SSBP2: variants seen among roughly 807,000 people sequenced by gnomAD.
The protein encoded by SSBP2 is single-stranded DNA-binding protein 2.
A neutral mutation model predicts 61.8 loss-of-function variants in SSBP2; 17 were observed. The ratio of observed to expected loss-of-function variants is 0.28; its 90% CI spans 0.19 to 0.41. The LOEUF (loss-of-function observed/expected upper bound fraction) is 0.41, where lower values mean the gene tolerates loss of function less well. SSBP2 is among the 10% of genes least tolerant of loss of function. The pLI is 1.00. For synonymous variants in SSBP2, 139 were observed against 141.3 expected, an observed-to-expected ratio of 0.98 and a Z score of 0.12; for missense variants, 310 against 458.7, an observed-to-expected ratio of 0.68 and a Z score of 2.96.
At chr5:81,680,559 A>G (rs948275085) in intron 1 of SSBP2, among the ~76,000 whole-genome samples, 1 of 152,018 alleles carries the variant, frequency 6.6e-6, no homozygotes, top group African/African-American at 2.4e-5. Flanking sequence ...TTTAAAAGTA[A>G]ATGGATGGAG....
rs144118426 is a variant in SSBP2 at position 81,680,344 on chromosome 5, A to G, written c.63-30005T>C. On this transcript the variant is annotated intron_variant, in intron 1 of 16. Coordinates refer to ENST00000320672, the MANE Select transcript of SSBP2 (RefSeq NM_012446.5). ...TGTTATAATATATAATTTATTATATATAACTTATAATATAATCTATATAAT... is the reference window on the plus strand; with the variant it reads ...TGTTATAATATATAATTTATTATATGTAACTTATAATATAATCTATATAAT... Among the ~76,000 whole-genome samples the G allele has an allele frequency of 4.1e-4, 61 of 148,072 alleles. No homozygotes were observed. In the East Asian group the frequency reaches 9.7e-3, roughly 24 times the overall value.
At position 81,568,711 on chromosome 5, in the gene SSBP2, A is replaced by G. The variant is rs80342195; in HGVS notation, c.282+46762T>C. 3.6e-3 allele frequency among the ~76,000 whole-genome samples: 543 copies of G among 152,346 alleles called. 3 individuals carry two copies. The highest frequency in any genetic ancestry group is 0.013 in the African/African-American group (520 of 41,572). ...TACAAAGTGAGCCATTCACATATGTATATTTTTAATACAAATATTTAAAAT... is the reference window on the plus strand; with the variant it reads ...TACAAAGTGAGCCATTCACATATGTGTATTTTTAATACAAATATTTAAAAT... On this transcript the variant is annotated intron_variant, in intron 4 of 16. Transcript: ENST00000320672.
intron 4 of SSBP2, among the ~76,000 whole-genome samples, chr5:81,542,166 G>T (rs1267971478): frequency 6.6e-6 from 1 of 152,128 alleles, no homozygotes; most frequent in Admixed American, 6.5e-5. Flanking sequence ...ATGAAAAAAT[G>T]CTCCGCATCA....
chr5:81,709,753 A>C (rs73137662), intron 1 of SSBP2, among the ~76,000 whole-genome samples: 13,120 of 151,884 alleles, frequency 0.086, 1,361 homozygotes, highest in African/African-American at 0.25. Flanking sequence ...TTTCTTTATA[A>C]ACCTTTATTT....
chr5:81,553,181 T>C (rs1772337801), intron 4 of SSBP2, among the ~76,000 whole-genome samples: 1 of 152,200 alleles, frequency 6.6e-6, no homozygotes. Flanking sequence ...ATATGGATTG[T>C]AAGGTTAAGT....
chr5:81,640,698 T>C (rs1345789936), intron 2 of SSBP2, among the ~76,000 whole-genome samples: 1 of 151,896 alleles, frequency 6.6e-6, no homozygotes, highest in East Asian at 1.9e-4. Context: ...TCTCAAAAAC[T>C]CTGATGTCCT....
chr5:81,448,687 G>C lies in SSBP2; in HGVS notation c.723+103C>G. The C allele has an allele frequency of 2.7e-6, 3 of 1,118,534 alleles. No individual in the cohort carries two copies. The Admixed American group carries it at 5.7e-5, about 21-fold the overall frequency. 69.3% of individuals were successfully genotyped at this position (1,118,534 alleles called of 1,614,324 possible). A position where few individuals can be genotyped will look rare whatever the true frequency, so the allele number is the denominator to read the frequency against. Reference sequence around the variant, plus strand: ...AAACAACTCAAGATGTTCACTTCTTGGCCAATACACAGGGGCTCTTCTTAA... The same window carrying C: ...AAACAACTCAAGATGTTCACTTCTTCGCCAATACACAGGGGCTCTTCTTAA... On this transcript the variant is annotated intron_variant, in intron 11 of 16. Transcript: ENST00000320672.
At chr5:81,477,618 A>AC (rs561368115) in intron 6 of SSBP2, among the ~76,000 whole-genome samples, 1 of 91,442 alleles carries the variant, frequency 1.1e-5, no homozygotes, top group Non-Finnish European at 2.2e-5. Flanking sequence ...CCCCCGCCCC[A>AC]CCCCCCACAC....
chr5:81,489,973 A>G (rs781302435), intron 5 of SSBP2, among the ~76,000 whole-genome samples: 1 of 151,692 alleles, frequency 6.6e-6, no homozygotes, highest in Non-Finnish European at 1.5e-5. Context: ...CATCATGACC[A>G]TGCCTGTAAA....
intron 4 of SSBP2, among the ~76,000 whole-genome samples, chr5:81,528,710 A>G (rs1028848852): frequency 1.8e-4 from 27 of 152,192 alleles, no homozygotes; most frequent in African/African-American, 6.5e-4. Flanking sequence ...ACTTAACTAG[A>G]TAAGATTAGA....
intron 1 of SSBP2, among the ~76,000 whole-genome samples, chr5:81,720,273 A>G (rs1438957791): frequency 6.6e-6 from 1 of 152,084 alleles, no homozygotes; most frequent in African/African-American, 2.4e-5. Context: ...CTACCTCCAC[A>G]CTGTGTCACC....
At chr5:81,652,405 A>T (rs1749806711) in intron 1 of SSBP2, among the ~76,000 whole-genome samples, 1 of 152,200 alleles carries the variant, frequency 6.6e-6, no homozygotes, top group Non-Finnish European at 1.5e-5. Context: ...AGTCTAAAAC[A>T]GTGATTCTAA....
chr5:81,479,712 G>T (rs560789323), intron 6 of SSBP2, among the ~76,000 whole-genome samples: 22 of 152,102 alleles, frequency 1.4e-4, no homozygotes, highest in African/African-American at 4.6e-4. Context: ...GTGCATTTGC[G>T]CCAGGAATTG....
intron 4 of SSBP2, among the ~76,000 whole-genome samples, chr5:81,588,595 TTATCTC>T (rs1054361019): frequency 4.6e-5 from 7 of 152,044 alleles, no homozygotes; most frequent in African/African-American, 1.7e-4. Context: ...GAAGGTAACT[TTATCTC>T]TATGTATATT....
intron 4 of SSBP2, among the ~76,000 whole-genome samples, chr5:81,599,486 A>C (rs994938806): frequency 1.3e-5 from 2 of 152,242 alleles, no homozygotes; most frequent in African/African-American, 4.8e-5. Context: ...ATTTGCTTGG[A>C]AACAACAGAC....
chr5:81,739,724 C>T (rs1030137745), intron 1 of SSBP2, among the ~76,000 whole-genome samples: 1 of 152,096 alleles, frequency 6.6e-6, no homozygotes, highest in Admixed American at 6.5e-5. Flanking sequence ...TACATTTACA[C>T]TATAAAATAG....
Position 81,505,355 on chromosome 5 carries a change from C to T in SSBP2, c.372+8273G>A, listed in dbSNP as rs1252781626. Among the ~76,000 whole-genome samples the T allele has an allele frequency of 5.9e-5, 9 of 152,138 alleles. No individual in the cohort carries two copies. The East Asian group carries it at 9.6e-4, about 16-fold the overall frequency. ...GAACATAAGACAAATTGTTCCTGAA[C>T]GCTACCTTGTAATAAGTTATTCTTT... On this transcript the variant is annotated intron_variant, in intron 5 of 16. Coordinates refer to ENST00000320672, the MANE Select transcript of SSBP2 (RefSeq NM_012446.5).
intron 4 of SSBP2, among the ~76,000 whole-genome samples, chr5:81,610,627 A>G (rs1400197385): frequency 2.0e-5 from 3 of 152,242 alleles, no homozygotes; most frequent in African/African-American, 7.2e-5. Context: ...CATATGACGT[A>G]TATGTAGAAT....
At chr5:81,523,028 GA>G (rs1156349490) in intron 4 of SSBP2, among the ~76,000 whole-genome samples, 2 of 151,990 alleles carry the variant, frequency 1.3e-5, no homozygotes, top group Non-Finnish European at 2.9e-5. Context: ...AAGGGCCAAA[GA>G]GTTGGTGATC....
Sources: gnomAD v4.1 joint callset for allele counts (sites outside exome capture counted in the v4.1 genomes callset) on GRCh38, gnomAD v4.1.1 for gene constraint, MANE v1.5 for transcripts, NCBI Gene and HGNC (gene_info 2026-07-23, HGNC 2026-07-21) for gene names.